Variants in PRKCB observed in about 807,000 individuals in gnomAD.
The protein encoded by PRKCB is protein kinase C beta type.
Under a neutral mutation model 81.5 loss-of-function variants are expected in PRKCB, and 13 were observed. The observed-to-expected ratio is 0.16, with a 90% CI of 0.10 to 0.25. The LOEUF (loss-of-function observed/expected upper bound fraction) is 0.25. PRKCB is among the 10% of genes least tolerant of loss of function. The pLI is 1.00. For synonymous variants in PRKCB, 335 were observed against 321.4 expected (o/e 1.04, Z -0.45); for missense variants, 509 against 875.7 (o/e 0.58, Z 5.29).
At chr16:24,108,881 C>A (rs1389715954) in intron 7 of PRKCB, among the ~76,000 whole-genome samples, 1 of 151,358 alleles carries the variant, frequency 6.6e-6, no homozygotes, top group Non-Finnish European at 1.5e-5. Context: ...ACCTCCCAGA[C>A]GGGGTGGTGG....
chr16:23,926,577 T>C (rs144681242), intron 2 of PRKCB, among the ~76,000 whole-genome samples: 1 of 151,392 alleles, frequency 6.6e-6, no homozygotes, highest in Non-Finnish European at 1.5e-5. Context: ...TATGTATATA[T>C]AGATATACAT....
chr16:24,082,797 T>A (rs1966266730), intron 5 of PRKCB, among the ~76,000 whole-genome samples: 2 of 151,868 alleles, frequency 1.3e-5, no homozygotes, highest in African/African-American at 4.8e-5. Flanking sequence ...TACAAAGAGT[T>A]CTTAGACGTG....
intron 16 of PRKCB, among the ~76,000 whole-genome samples, chr16:24,196,708 A>T (rs910374076): frequency 6.6e-6 from 1 of 152,164 alleles, no homozygotes; most frequent in African/African-American, 2.4e-5. Context: ...CTCCCAGGGG[A>T]TAGGACACTG....
At position 23,978,970 on chromosome 16, in the gene PRKCB, G is replaced by C. The variant is rs1317860554; in HGVS notation, c.206-9538G>C. Reference sequence around the variant, plus strand: ...AGGCAATAGCAGTGGATGTGTTGGAGCAGGGAAATAATATCAAAGCTGAAT... The same window carrying C: ...AGGCAATAGCAGTGGATGTGTTGGACCAGGGAAATAATATCAAAGCTGAAT... On this transcript the variant is annotated intron_variant, in intron 2 of 16. Transcript: ENST00000643927. 2.0e-5 allele frequency among the ~76,000 whole-genome samples: 3 copies of C among 152,226 alleles called. No individual in the cohort carries two copies. In the East Asian group the frequency reaches 5.8e-4, roughly 29 times the overall value.
chr16:24,042,808 G>A (rs1402996317), intron 5 of PRKCB, among the ~76,000 whole-genome samples: 1 of 149,534 alleles, frequency 6.7e-6, no homozygotes, highest in Non-Finnish European at 1.5e-5. Context: ...CGTAATCACG[G>A]CTTACTGCAG....
intron 2 of PRKCB, among the ~76,000 whole-genome samples, chr16:23,911,819 G>T (rs961279809): frequency 2.3e-5 from 3 of 132,102 alleles, no homozygotes; most frequent in Non-Finnish European, 1.5e-5. Context: ...GGATATGCGC[G>T]ACCCACATTT....
intron 2 of PRKCB, among the ~76,000 whole-genome samples, chr16:23,921,334 G>A (rs1259316998): frequency 6.6e-6 from 1 of 152,056 alleles, no homozygotes. Flanking sequence ...GATTGTGTGG[G>A]GTTTAAATGA....
chr16:24,215,014 T>G lies in PRKCB; in HGVS notation c.*198T>G. The G allele has an allele frequency of 7.3e-7, 1 of 1,372,408 alleles. No homozygotes were observed. The highest frequency in any genetic ancestry group is 2.7e-4 in the Middle Eastern group (1 of 3,638). The allele number at this position is 1,372,408 out of a possible 1,614,324, so 85.0% of individuals were successfully genotyped here. A position where few individuals can be genotyped will look rare whatever the true frequency, so the allele number is the denominator to read the frequency against. ...GAGATGGGATTATGCAGATGGCCTA[T>G]GGAAAATGCAGCTGCATAATTAACA... On this transcript the variant is annotated 3_prime_UTR_variant, in exon 17 of 17. Transcript: ENST00000643927.
At chr16:23,914,143 G>A (rs528398284) in intron 2 of PRKCB, among the ~76,000 whole-genome samples, 1 of 152,144 alleles carries the variant, frequency 6.6e-6, no homozygotes, top group Non-Finnish European at 1.5e-5. Context: ...AAGTAGCTGA[G>A]ACTACAGGCA....
At chr16:24,195,054 G>A (rs929693568) in intron 16 of PRKCB, among the ~76,000 whole-genome samples, 1 of 151,946 alleles carries the variant, frequency 6.6e-6, no homozygotes. Context: ...AAATACAAAC[G>A]TTGGTGGGCG....
chr16:23,964,048 G>T (rs954814947), intron 2 of PRKCB, among the ~76,000 whole-genome samples: 1 of 152,148 alleles, frequency 6.6e-6, no homozygotes, highest in Non-Finnish European at 1.5e-5. Flanking sequence ...GAGGTATGAA[G>T]CATCTATAAC....
At chr16:23,962,478 T>C (rs997714539) in intron 2 of PRKCB, among the ~76,000 whole-genome samples, 1 of 152,202 alleles carries the variant, frequency 6.6e-6, no homozygotes, top group Non-Finnish European at 1.5e-5. Flanking sequence ...TATTTAGATA[T>C]CAGCTCAGAA....
chr16:24,017,194 A>G lies in PRKCB; in HGVS notation c.289-14942A>G, dbSNP rs141076532. 3.7e-3 allele frequency among the ~76,000 whole-genome samples: 561 copies of G among 152,358 alleles called. 1 individual carries two copies. The highest frequency in any genetic ancestry group is 5.6e-3 in the Non-Finnish European group (380 of 68,042). On this transcript the variant is annotated intron_variant, in intron 3 of 16. Coordinates refer to ENST00000643927, the MANE Select transcript of PRKCB (RefSeq NM_002738.7). Reference sequence around the variant, plus strand: ...AGAGAGAGACAGATCAGTGGAGCATAAGACAATATTAAAAAATGAGCCGAG... The same window carrying G: ...AGAGAGAGACAGATCAGTGGAGCATGAGACAATATTAAAAAATGAGCCGAG...
At chr16:23,930,624 T>C (rs1963959312) in intron 2 of PRKCB, among the ~76,000 whole-genome samples, 1 of 152,072 alleles carries the variant, frequency 6.6e-6, no homozygotes, top group Non-Finnish European at 1.5e-5. Flanking sequence ...ATCTGGAGAT[T>C]CTAGGAAAGA....
At chr16:23,956,331 C>T (rs556619532) in intron 2 of PRKCB, among the ~76,000 whole-genome samples, 1 of 152,030 alleles carries the variant, frequency 6.6e-6, no homozygotes, top group East Asian at 1.9e-4. Flanking sequence ...TGCCCTGTTG[C>T]CCAGGCTAGT....
At chr16:23,875,503 A>ATATATATATATATATATAT (rs1567298294) in intron 2 of PRKCB, among the ~76,000 whole-genome samples, 5 of 28,948 alleles carry the variant, frequency 1.7e-4, no homozygotes, top group Admixed American at 3.7e-4. Flanking sequence ...ATATATATAT[A>ATATATATATATATATATAT]TATGATGTAT....
At chr16:23,839,020 A>G (rs1287603605) in intron 2 of PRKCB, among the ~76,000 whole-genome samples, 1 of 152,150 alleles carries the variant, frequency 6.6e-6, no homozygotes, top group Non-Finnish European at 1.5e-5. Context: ...TTTCACTTCC[A>G]TGAATCAGTT....
At chr16:24,181,876 A>G (rs151050940) in intron 13 of PRKCB, among the ~76,000 whole-genome samples, 1 of 152,088 alleles carries the variant, frequency 6.6e-6, no homozygotes, top group Non-Finnish European at 1.5e-5. Flanking sequence ...CAATGAGTAA[A>G]AGCATACAAA....
chr16:23,915,881 A>G (rs1170917230), intron 2 of PRKCB, among the ~76,000 whole-genome samples: 1 of 152,038 alleles, frequency 6.6e-6, no homozygotes, highest in African/African-American at 2.4e-5. Flanking sequence ...ATTCCTGTTT[A>G]TGTTTTAGCA....
Sources: gnomAD v4.1 joint callset for allele counts (sites outside exome capture counted in the v4.1 genomes callset) on GRCh38, gnomAD v4.1.1 for gene constraint, MANE v1.5 for transcripts, NCBI Gene and HGNC (gene_info 2026-07-23, HGNC 2026-07-21) for gene names.